FRMD4B: variants seen among roughly 807,000 people sequenced by gnomAD.
FRMD4B encodes FERM domain containing 4B, also known as FERM domain-containing protein 4B.
Under a neutral mutation model 141.5 loss-of-function variants are expected in FRMD4B, and 74 were observed. The observed-to-expected ratio is 0.52, with a 90% CI of 0.43 to 0.63. The LOEUF is 0.63. FRMD4B is among the 30% of genes least tolerant of loss of function. The pLI is 0.00. For synonymous variants in FRMD4B, 506 were observed against 467.9 expected, an observed-to-expected ratio of 1.08 and a Z score of -1.05; for missense variants, 1,366 against 1,253.4, an observed-to-expected ratio of 1.09 and a Z score of -1.36.
intron 3 of FRMD4B, 24 bp from the exon 4 acceptor site, chr3:69,302,459 A>C: frequency 7.3e-7 from 1 of 1,368,712 alleles, no homozygotes; most frequent in Non-Finnish European, 1.0e-6. Context: ...GCAAAGAAAA[A>C]GGATTCAACA....
rs559889257 is a variant in FRMD4B at position 69,323,463 on chromosome 3, G to T, written c.163-9946C>A. 3.3e-5 allele frequency among the ~76,000 whole-genome samples: 5 copies of T among 151,648 alleles called. No homozygotes were observed. In the East Asian group the frequency reaches 9.7e-4, roughly 30 times the overall value. On this transcript the variant is annotated intron_variant, in intron 1 of 22. Coordinates refer to ENST00000398540, the MANE Select transcript of FRMD4B (RefSeq NM_015123.3). Reference sequence around the variant, plus strand: ...GCATGCTGTAATCCCAGCTACTTGGGAGGCTGAGGCAGAATTGCTTGAACC... The same window carrying T: ...GCATGCTGTAATCCCAGCTACTTGGTAGGCTGAGGCAGAATTGCTTGAACC...
rs780109217 is a variant in FRMD4B, at chr3:69,171,788, C to G, written c.*73G>C. On this transcript the variant is annotated 3_prime_UTR_variant, in exon 23 of 23. Coordinates refer to ENST00000398540, the MANE Select transcript of FRMD4B (RefSeq NM_015123.3). ...TAGGTTTCTAAAACGAACATCCTCT[C>G]GGAAGACAAATACAATTTGCAAGGC... The G allele has an allele frequency of 6.8e-7, 1 of 1,480,868 alleles. No homozygotes were observed. The highest frequency in any genetic ancestry group is 1.2e-5 in the South Asian group (1 of 85,234). The allele number at this position is 1,480,868 out of a possible 1,614,324, so 91.7% of individuals were successfully genotyped here. A position where few individuals can be genotyped will look rare whatever the true frequency, so the allele number is the denominator to read the frequency against.
At chr3:69,341,530 C>A (rs1426172313) in intron 1 of FRMD4B, among the ~76,000 whole-genome samples, 1 of 152,150 alleles carries the variant, frequency 6.6e-6, no homozygotes, top group Non-Finnish European at 1.5e-5. Flanking sequence ...TTCTAAATAC[C>A]TTCCACAGAG....
At chr3:69,389,590 G>C (rs1481744156), upstream of FRMD4B, among the ~76,000 whole-genome samples, 1 of 152,194 alleles carries the variant, frequency 6.6e-6, no homozygotes, top group Non-Finnish European at 1.5e-5. Flanking sequence ...TATTTCTACT[G>C]ACATAAACAC....
intron 11 of FRMD4B, among the ~76,000 whole-genome samples, chr3:69,207,806 C>CA (rs200656924): frequency 0.026 from 3,886 of 147,670 alleles, 179 homozygotes; most frequent in African/African-American, 0.095. Flanking sequence ...GACTCCGTCT[C>CA]AAAAAAAAAA....
intron 11 of FRMD4B, among the ~76,000 whole-genome samples, chr3:69,200,213 G>C (rs1559710530): frequency 2.0e-5 from 3 of 151,970 alleles, no homozygotes; most frequent in African/African-American, 7.3e-5. Flanking sequence ...GCAGGCATGG[G>C]AAAAAAGGGT....
chr3:69,307,556 T>C (rs1266054040), intron 3 of FRMD4B, among the ~76,000 whole-genome samples: 3 of 152,052 alleles, frequency 2.0e-5, no homozygotes, highest in African/African-American at 7.2e-5. Context: ...CCCAGGCTGG[T>C]CACAAACTCC....
intron 2 of FRMD4B, among the ~76,000 whole-genome samples, chr3:69,419,616 T>G (rs981180635): frequency 6.6e-6 from 1 of 152,168 alleles, no homozygotes; most frequent in Non-Finnish European, 1.5e-5. Flanking sequence ...ACTGGGACTC[T>G]CTTACCAGAA....
At chr3:69,342,001 T>G (rs763303903) in intron 1 of FRMD4B, among the ~76,000 whole-genome samples, 1 of 152,240 alleles carries the variant, frequency 6.6e-6, no homozygotes, top group African/African-American at 2.4e-5. Flanking sequence ...TCACCATTTC[T>G]CTGAAAGAAA....
intron 21 of FRMD4B, among the ~76,000 whole-genome samples, chr3:69,179,443 G>A (rs933702074): frequency 3.3e-5 from 5 of 152,124 alleles, no homozygotes; most frequent in African/African-American, 1.2e-4. Flanking sequence ...GAGGAAGAAA[G>A]GTGTTTTCTA....
At position 69,171,826 on chromosome 3, in the gene FRMD4B, G is replaced by T. The variant is rs2092589482; in HGVS notation, c.*35C>A. The T allele has an allele frequency of 1.3e-6, 2 of 1,599,484 alleles. No individual in the cohort carries two copies. Among genetic ancestry groups the T allele is most frequent in the East Asian group, 2.2e-5 (1 of 44,804 alleles). The stretch of plus-strand genomic sequence containing the variant: ...CAATTTGCAAGGCACACTAGTGTGA[G>T]AACGCAGTGCTTGGTCAGGAGGTCC... On this transcript the variant is annotated 3_prime_UTR_variant, in exon 23 of 23. Transcript: ENST00000398540.
At chr3:69,539,116 C>T (rs967678023) in intron 1 of FRMD4B, among the ~76,000 whole-genome samples, 2 of 152,182 alleles carry the variant, frequency 1.3e-5, no homozygotes, top group Non-Finnish European at 2.9e-5. Context: ...GTATAAGCCT[C>T]AAACCTTCAC....
At chr3:69,390,571 A>C (rs1368264785), upstream of FRMD4B, among the ~76,000 whole-genome samples, 1 of 152,190 alleles carries the variant, frequency 6.6e-6, no homozygotes, top group Non-Finnish European at 1.5e-5. Flanking sequence ...TCCCTGGTGC[A>C]GAGGTCAGAG....
At chr3:69,477,397 A>G (rs1706021302) in intron 1 of FRMD4B, among the ~76,000 whole-genome samples, 1 of 149,104 alleles carries the variant, frequency 6.7e-6, no homozygotes, top group Admixed American at 6.6e-5. Context: ...TAATTTACTG[A>G]GAGTTTTTAG....
chr3:69,240,514 T>TAAAAGAAA (rs965591794), intron 7 of FRMD4B, among the ~76,000 whole-genome samples: 1 of 133,518 alleles, frequency 7.5e-6, no homozygotes, highest in African/African-American at 2.7e-5. Flanking sequence ...AAAGAACACG[T>TAAAAGAAA]AAAAGAAAAA....
intron 1 of FRMD4B, among the ~76,000 whole-genome samples, chr3:69,511,678 A>G (rs536483918): frequency 1.3e-5 from 2 of 152,316 alleles, no homozygotes; most frequent in African/African-American, 2.4e-5. Flanking sequence ...CCCCACTGGC[A>G]TCACTGAAGT....
At chr3:69,281,474 T>G (rs1385602403) in intron 5 of FRMD4B, among the ~76,000 whole-genome samples, 2 of 152,120 alleles carry the variant, frequency 1.3e-5, no homozygotes, top group Admixed American at 6.6e-5. Context: ...ACTCATTCAT[T>G]TGTTGTGTTA....
chr3:69,477,119 T>C (rs1706015585), intron 1 of FRMD4B, among the ~76,000 whole-genome samples: 1 of 152,016 alleles, frequency 6.6e-6, no homozygotes, highest in African/African-American at 2.4e-5. Flanking sequence ...GACGATGGGG[T>C]TTTCTAGATA....
intron 1 of FRMD4B, among the ~76,000 whole-genome samples, chr3:69,485,065 A>T (rs1706191706): frequency 6.6e-6 from 1 of 152,146 alleles, no homozygotes; most frequent in Non-Finnish European, 1.5e-5. Context: ...GTGCACCTGC[A>T]GGCCAGCTCC....
Sources: gnomAD v4.1 joint callset for allele counts (sites outside exome capture counted in the v4.1 genomes callset) on GRCh38, gnomAD v4.1.1 for gene constraint, MANE v1.5 for transcripts, NCBI Gene and HGNC (gene_info 2026-07-23, HGNC 2026-07-21) for gene names.